Variants in SCGN observed in about 807,000 individuals in gnomAD.
The protein encoded by SCGN is secretagogin, EF-hand calcium binding protein.
A neutral mutation model predicts 39.7 loss-of-function variants in SCGN; 30 were observed. That is an observed-to-expected ratio of 0.76 (90% confidence interval 0.57 to 1.03). The LOEUF is 1.03. Among genes scored for constraint, SCGN ranks in the 50% least tolerant of loss-of-function variants. SCGN has a pLI of 0.00. For missense variants in SCGN, 353 were observed against 349.4 expected, an observed-to-expected ratio of 1.01 and a Z score of -0.08; for synonymous variants, 106 against 114.1, an observed-to-expected ratio of 0.93 and a Z score of 0.45.
At chr6:25,677,667 T>C (rs1186696734) in intron 6 of SCGN, among the ~76,000 whole-genome samples, 1 of 152,236 alleles carries the variant, frequency 6.6e-6, no homozygotes, top group East Asian at 1.9e-4. Flanking sequence ...TGTACATATA[T>C]ACATATGCTT....
chr6:25,686,168 T>G (rs1759702829), intron 7 of SCGN, among the ~76,000 whole-genome samples: 1 of 152,208 alleles, frequency 6.6e-6, no homozygotes, highest in African/African-American at 2.4e-5. Context: ...TTTTAGAGAT[T>G]ATGAATAACG....
chr6:25,701,444 T>G lies in SCGN; in HGVS notation c.*109T>G. On this transcript the variant is annotated 3_prime_UTR_variant, in exon 11 of 11. Transcript: ENST00000377961. ...ACAGTGGGCAAACTCACAAATGGTG[T>G]GCTATTCTTGGGCAAGAACAGGGAC... The G allele has an allele frequency of 1.4e-6, 2 of 1,428,136 alleles. No individual in the cohort carries two copies. The highest frequency in any genetic ancestry group is 1.9e-6 in the Non-Finnish European group (2 of 1,051,288). 88.5% of individuals were successfully genotyped at this position (1,428,136 alleles called of 1,614,324 possible).
chr6:25,698,154 CATTTAGGTCTCCTGACTCAT>C (rs1759862031), intron 10 of SCGN, among the ~76,000 whole-genome samples: 1 of 152,156 alleles, frequency 6.6e-6, no homozygotes, highest in African/African-American at 2.4e-5. Flanking sequence ...TGAGCTGTGG[CATTTAGGTCTCCTGACTCAT>C]ATTGAGTTGC....
chr6:25,691,118 T>C lies in SCGN; in HGVS notation c.696T>C (p.Leu232=), dbSNP rs747331447. ...VDGFVKDMME[L]VQPSISGVDL... ...GGTTTGTCAAAGACATGATGGAGCTTGTCCAGGTGAGTGCACGTTCTTCTT... is the reference window on the plus strand; with the variant it reads ...GGTTTGTCAAAGACATGATGGAGCTCGTCCAGGTGAGTGCACGTTCTTCTT... Residue 232 remains leucine, a synonymous_variant, in exon 10 of 11, where the codon CTT becomes CTC. Transcript: ENST00000377961. The C allele has an allele frequency of 6.2e-7, 1 of 1,612,634 alleles. No individual in the cohort carries two copies.
intron 10 of SCGN, among the ~76,000 whole-genome samples, chr6:25,700,691 T>A (rs1402080643): frequency 6.6e-6 from 1 of 152,228 alleles, no homozygotes; most frequent in African/African-American, 2.4e-5. Flanking sequence ...AGCTAACATG[T>A]GTCACGTTTC....
intron 6 of SCGN, among the ~76,000 whole-genome samples, chr6:25,673,736 G>A (rs2151379652): frequency 6.6e-6 from 1 of 152,292 alleles, no homozygotes; most frequent in African/African-American, 2.4e-5. Context: ...ATGGAGACAG[G>A]TCCATAATCA....
chr6:25,689,651 T>C (rs1289036052), intron 9 of SCGN, 119 bp downstream of exon 9: 3 of 801,810 alleles, frequency 3.7e-6, no homozygotes, highest in Non-Finnish European at 4.2e-6. Context: ...CAATCCCATC[T>C]GTGTGTTCTA....
intron 7 of SCGN, 98 bp from the exon 8 acceptor site, chr6:25,689,074 A>G: frequency 1.1e-5 from 8 of 739,086 alleles, no homozygotes; most frequent in Non-Finnish European, 1.1e-5. Flanking sequence ...TCTGTTCTGC[A>G]GGAAATTGCC....
At chr6:25,686,296 G>A (rs992464980) in intron 7 of SCGN, among the ~76,000 whole-genome samples, 1 of 152,138 alleles carries the variant, frequency 6.6e-6, no homozygotes, top group Admixed American at 6.5e-5. Context: ...CTGCCAAAGT[G>A]TTTTCTAAAG....
At chr6:25,677,874 C>G (rs1166011979) in intron 6 of SCGN, among the ~76,000 whole-genome samples, 1 of 152,184 alleles carries the variant, frequency 6.6e-6, no homozygotes, top group Non-Finnish European at 1.5e-5. Flanking sequence ...CACCACATGA[C>G]AGTAGTTGTA....
chr6:25,669,690 T>A lies in SCGN; in HGVS notation c.393+123T>A, dbSNP rs767386647. The A allele has an allele frequency of 1.7e-5, 13 of 752,958 alleles. No homozygotes were observed. The South Asian group carries it at 2.1e-4, about 12-fold the overall frequency. 46.6% of individuals were successfully genotyped at this position (752,958 alleles called of 1,614,324 possible). ...TTGAATATGTGACTCAAAAAATACA[T>A]ACATATGTACATATATGTATATATT... On this transcript the variant is annotated intron_variant, in intron 5 of 10. Transcript: ENST00000377961.
intron 4 of SCGN, among the ~76,000 whole-genome samples, chr6:25,668,217 G>GA (rs57628790): frequency 9.0e-4 from 132 of 146,706 alleles, no homozygotes; most frequent in African/African-American, 1.4e-3. Flanking sequence ...ATCTGTCAGT[G>GA]AAAAAAAAAA....
chr6:25,665,308 T>G (rs1375014795), intron 4 of SCGN, among the ~76,000 whole-genome samples: 3 of 151,662 alleles, frequency 2.0e-5, no homozygotes, highest in African/African-American at 7.3e-5. Context: ...CACTGAAGAA[T>G]GGAGAGGGAG....
chr6:25,693,092 A>G (rs144080415), intron 10 of SCGN, among the ~76,000 whole-genome samples: 16 of 152,316 alleles, frequency 1.1e-4, no homozygotes, highest in Non-Finnish European at 1.6e-4. Context: ...TAGAAATAAC[A>G]TAAACATTGA....
chr6:25,695,283 T>C (rs914122626), intron 10 of SCGN, among the ~76,000 whole-genome samples: 1 of 152,196 alleles, frequency 6.6e-6, no homozygotes, highest in African/African-American at 2.4e-5. Flanking sequence ...ATACTTAACA[T>C]ATACAATTTG....
Position 25,663,072 on chromosome 6 carries a change from G to T in SCGN, c.246+1428G>T, listed in dbSNP as rs145144253. ...AATCCTGCACGTGAGTGTCATTGAGGTTGTTGTTTGTACAAAAACTGATGG... is the reference window on the plus strand; with the variant it reads ...AATCCTGCACGTGAGTGTCATTGAGTTTGTTGTTTGTACAAAAACTGATGG... On this transcript the variant is annotated intron_variant, in intron 3 of 10. Coordinates refer to ENST00000377961, the MANE Select transcript of SCGN (RefSeq NM_006998.4). Among the ~76,000 whole-genome samples, 4 of 152,334 alleles carry T rather than the reference G, an allele frequency of 2.6e-5. No homozygotes were observed. In the East Asian group the frequency reaches 7.7e-4, roughly 29 times the overall value.
At chr6:25,672,237 T>A (rs1759509630) in intron 6 of SCGN, among the ~76,000 whole-genome samples, 1 of 152,226 alleles carries the variant, frequency 6.6e-6, no homozygotes, top group Non-Finnish European at 1.5e-5. Flanking sequence ...CCGCAAATAT[T>A]CATTACATAT....
intron 3 of SCGN, 115 bp from the exon 4 acceptor site, chr6:25,664,827 TG>T (rs1760399181): frequency 3.0e-6 from 2 of 661,226 alleles, no homozygotes; most frequent in African/African-American, 1.8e-5. Context: ...CTGTTCATCC[TG>T]GAAGATCTGA....
intron 6 of SCGN, among the ~76,000 whole-genome samples, chr6:25,677,516 A>G (rs895847486): frequency 6.6e-6 from 1 of 152,170 alleles, no homozygotes; most frequent in Non-Finnish European, 1.5e-5. Context: ...AGGAATGAGG[A>G]TCTCCTTTAA....
Sources: gnomAD v4.1 joint callset for allele counts (sites outside exome capture counted in the v4.1 genomes callset) on GRCh38, gnomAD v4.1.1 for gene constraint, MANE v1.5 for transcripts, NCBI Gene and HGNC (gene_info 2026-07-23, HGNC 2026-07-21) for gene names.